Variants in FN1 observed in about 807,000 individuals in gnomAD.
FN1 encodes the protein fibronectin 1.
Under a neutral mutation model 297.3 loss-of-function variants are expected in FN1, and 106 were observed. The ratio of observed to expected loss-of-function variants is 0.36; its 90% CI spans 0.30 to 0.42. The LOEUF (loss-of-function observed/expected upper bound fraction) is 0.42. FN1 is among the 10% of genes least tolerant of loss of function. The pLI, the probability that FN1 is intolerant of heterozygous loss-of-function variation, is 1.00. For missense variants in FN1, 2,690 were observed against 3,124.9 expected (o/e 0.86, Z 3.32); for synonymous variants, 1,149 against 1,152.6 (o/e 1.00, Z 0.06).
chr2:215,414,136 G>C (rs913483074), intron 13 of FN1, among the ~76,000 whole-genome samples: 2 of 152,178 alleles, frequency 1.3e-5, no homozygotes, highest in Non-Finnish European at 2.9e-5. Flanking sequence ...GTTTAAAACA[G>C]TGTTTCTCAA....
intron 43 of FN1, 137 bp from the exon 44 acceptor site, chr2:215,365,122 A>G (rs1323671079): frequency 5.5e-6 from 4 of 722,410 alleles, no homozygotes; most frequent in Non-Finnish European, 2.5e-6. Flanking sequence ...AATCATCCCT[A>G]AGAGCAGTAC....
At chr2:215,381,752 G>T (rs549312029) in intron 32 of FN1, 1 of 229,230 alleles carries the variant, frequency 4.4e-6, no homozygotes, top group Non-Finnish European at 8.6e-6. Flanking sequence ...GATTACAGGC[G>T]TGAGCCCAGC....
intron 9 of FN1, 79 bp from the exon 10 acceptor site, chr2:215,422,322 C>T: frequency 7.3e-7 from 1 of 1,367,818 alleles, no homozygotes; most frequent in South Asian, 1.2e-5. Context: ...AGGATCAGTT[C>T]AGTTTGGTCA....
chr2:215,413,263 C>T (rs1033573222), intron 13 of FN1, among the ~76,000 whole-genome samples: 1 of 152,118 alleles, frequency 6.6e-6, no homozygotes, highest in Non-Finnish European at 1.5e-5. Context: ...GGACTACAGG[C>T]GTGCGCCCCC....
chr2:215,408,227 T>G, intron 16 of FN1, 30 bp from the exon 17 acceptor site: 1 of 1,613,088 alleles, frequency 6.2e-7, no homozygotes, highest in Non-Finnish European at 8.5e-7. Flanking sequence ...GGGCAAACAG[T>G]CAGGAAGTGC....
rs1202947645 is a variant in FN1 at position 215,393,432 on chromosome 2, A to ATG, written c.3797-230_3797-229insCA. Reference sequence around the variant, plus strand: ...ACAGGAATATTCTTTTAGGGAATATATATATATATATATTTTTTACATTTT... The same window carrying ATG: ...ACAGGAATATTCTTTTAGGGAATATATGTATATATATATATTTTTTACATTTT... On this transcript the variant is annotated intron_variant, in intron 24 of 45. Transcript: ENST00000354785. The ATG allele has an allele frequency of 2.3e-4, 42 of 179,832 alleles. 1 individual carries two copies. The highest frequency in any genetic ancestry group is 3.4e-4 in the Non-Finnish European group (30 of 88,608). The allele number at this position is 179,832 out of a possible 1,614,324, so 11.1% of individuals were successfully genotyped here. A position where few individuals can be genotyped will look rare whatever the true frequency, so the allele number is the denominator to read the frequency against.
intron 25 of FN1, chr2:215,392,223 T>TC (rs1415898542): frequency 1.8e-5 from 4 of 220,550 alleles, no homozygotes; most frequent in Non-Finnish European, 3.6e-5. Context: ...GTCCTAAACT[T>TC]CCCCCCATGT....
At chr2:215,376,930 G>A (rs975441048) in intron 35 of FN1, among the ~76,000 whole-genome samples, 1 of 151,966 alleles carries the variant, frequency 6.6e-6, no homozygotes, top group Admixed American at 6.5e-5. Flanking sequence ...GGTTCCCAGG[G>A]CTGGCTTTAT....
At chr2:215,432,645 T>C (rs2106533198) in intron 3 of FN1, among the ~76,000 whole-genome samples, 1 of 152,340 alleles carries the variant, frequency 6.6e-6, no homozygotes, top group African/African-American at 2.4e-5. Context: ...ATTTAAAGAA[T>C]GGATTAAAAA....
intron 28 of FN1, among the ~76,000 whole-genome samples, chr2:215,385,472 G>GAATT (rs1015651458): frequency 2.7e-5 from 4 of 149,404 alleles, no homozygotes; most frequent in Non-Finnish European, 5.9e-5. Flanking sequence ...TGAGGCAAGA[G>GAATT]AATTGCTCGA....
At position 215,425,266 on chromosome 2, in the gene FN1, A is replaced by C. The variant is rs759729263; in HGVS notation, c.864T>G (p.Asp288Glu). Reference sequence around the variant, plus strand: ...GCGGTTGGTAAACAGCTGCACGAACATCGGTGAAGGGGCCAGATCCTAATG... The same window carrying C: ...GCGGTTGGTAAACAGCTGCACGAACCTCGGTGAAGGGGCCAGATCCTAATG... The part of the protein sequence containing the change: ...TTSSGSGPFT[D>E]VRAAVYQPQP... The change falls in exon 7 of 46, where the codon GAT becomes GAG. Residue 288 changes from aspartate (D) to glutamate (E), a missense_variant. Around this residue, in one of 3 missense-constraint regions of FN1, gnomAD observed 876 missense variants for 1,058.1 expected, o/e 0.83. Coordinates refer to ENST00000354785, the MANE Select transcript of FN1 (RefSeq NM_212482.4). 5.6e-6 allele frequency: 9 copies of C among 1,614,056 alleles called. No homozygotes were observed. The South Asian group carries it at 9.9e-5, about 18-fold the overall frequency.
At chr2:215,364,246 C>A (rs1024891732) in intron 44 of FN1, 1 of 170,848 alleles carries the variant, frequency 5.9e-6, no homozygotes, top group Non-Finnish European at 1.3e-5. Context: ...CTATAACAAG[C>A]ATCTGTTCTG....
intron 44 of FN1, chr2:215,363,448 A>C (rs901454484): frequency 6.6e-6 from 1 of 152,214 alleles, no homozygotes; most frequent in African/African-American, 2.4e-5. Flanking sequence ...ATTCTCCTCC[A>C]TCAGAATTGG....
Position 215,397,541 on chromosome 2 carries a change from A to G in FN1, c.3517+139T>C. ...TGAACCTGCTACTCCAAATTCAGGA[A>G]TAGCATTAATAATATAAGTAAGGAT... On this transcript the variant is annotated intron_variant, in intron 22 of 45. Transcript: ENST00000354785. 5.4e-6 allele frequency: 4 copies of G among 740,308 alleles called. No individual in the cohort carries two copies. The Admixed American group carries it at 8.5e-5, about 16-fold the overall frequency. 45.9% of individuals were successfully genotyped at this position (740,308 alleles called of 1,614,324 possible).
intron 12 of FN1, among the ~76,000 whole-genome samples, chr2:215,417,536 T>C (rs2106374086): frequency 6.6e-6 from 1 of 152,302 alleles, no homozygotes; most frequent in African/African-American, 2.4e-5. Context: ...AAGTTCTCTG[T>C]AGGAGGAACA....
At chr2:215,426,143 C>CTTTTTTT (rs58002948) in intron 6 of FN1, among the ~76,000 whole-genome samples, 37 of 101,008 alleles carry the variant, frequency 3.7e-4, no homozygotes, top group South Asian at 1.0e-3. Context: ...TTTCTTTTTT[C>CTTTTTTT]TTTTTTTTTT....
intron 13 of FN1, among the ~76,000 whole-genome samples, chr2:215,410,939 A>G (rs1191235987): frequency 6.6e-6 from 1 of 152,194 alleles, no homozygotes; most frequent in East Asian, 1.9e-4. Flanking sequence ...CAGAAATGCC[A>G]ATGCCATATA....
chr2:215,382,271 C>A lies in FN1; in HGVS notation c.5105G>T (p.Ser1702Ile). 1 of 1,614,072 alleles carries A rather than the reference C, an allele frequency of 6.2e-7. No homozygotes were observed. Among genetic ancestry groups the A allele is most frequent in the Non-Finnish European group, 8.5e-7 (1 of 1,179,934 alleles). ...GLQPTVEYVV[S>I]VYAQNPSGES... ...TCCGCTTGGATTCTGAGCATAGACA[C>A]TAACCACATACTCCACTGTGGGCTG... Residue 1702 changes from serine (S) to isoleucine (I), a missense_variant, in exon 32 of 46, where the codon AGT becomes ATT. This residue lies in a region of FN1 where 1,743 missense variants were observed against 1,945.2 expected (regional missense o/e 0.90). Transcript: ENST00000354785.
In FN1 at chr2:215,393,247, T is replaced by C. The variant is rs10168572; in HGVS notation, c.3797-44A>G. ...AAGGGAGGGGGAGGCAAAAGGAAAA[T>C]AGAGGGAAAAAAAGAGGAAAAAATA... On this transcript the variant is annotated intron_variant, in intron 24 of 45. Coordinates refer to ENST00000354785, the MANE Select transcript of FN1 (RefSeq NM_212482.4). 0.034 allele frequency: 53,554 copies of C among 1,594,180 alleles called. 1,055 individuals carry two copies. Among genetic ancestry groups the C allele is most frequent in the Middle Eastern group, 0.039 (230 of 5,916 alleles).
Sources: gnomAD v4.1 joint callset for allele counts (sites outside exome capture counted in the v4.1 genomes callset) on GRCh38, gnomAD v4.1.1 for gene constraint, gnomAD v4.1.1 regional missense constraint, MANE v1.5 for transcripts, NCBI Gene and HGNC (gene_info 2026-07-23, HGNC 2026-07-21) for gene names.